The following THEMIS variants were observed in gnomAD, a reference collection of about 807,000 sequenced individuals.
The protein encoded by THEMIS is protein THEMIS.
A neutral mutation model predicts 52.6 loss-of-function variants in THEMIS; 37 were observed. The ratio of observed to expected loss-of-function variants is 0.70; its 90% confidence interval spans 0.54 to 0.93. THEMIS has a LOEUF of 0.93. Among genes scored for constraint, THEMIS ranks in the 40% least tolerant of loss-of-function variants. The probability of loss-of-function intolerance (pLI) is 0.00; values close to 1 mark genes in which losing one functional copy is unlikely to be tolerated. For missense variants in THEMIS, 808 were observed against 763.1 expected, an observed-to-expected ratio of 1.06 and a Z score of -0.69; for synonymous variants, 292 against 272.7, an observed-to-expected ratio of 1.07 and a Z score of -0.70.
At chr6:127,776,532 AC>A (rs1776571309) in intron 4 of THEMIS, among the ~76,000 whole-genome samples, 1 of 152,080 alleles carries the variant, frequency 6.6e-6, no homozygotes, top group Non-Finnish European at 1.5e-5. Flanking sequence ...TGAAAGTAGA[AC>A]CCCTCTGAGT....
At chr6:127,833,350 G>A (rs1172097785) in intron 2 of THEMIS, among the ~76,000 whole-genome samples, 1 of 152,106 alleles carries the variant, frequency 6.6e-6, no homozygotes, top group Admixed American at 6.5e-5. Context: ...AAATTTACAA[G>A]TTTGAAAACT....
At chr6:127,848,709 T>G (rs1467263623) in intron 2 of THEMIS, among the ~76,000 whole-genome samples, 1 of 152,168 alleles carries the variant, frequency 6.6e-6, no homozygotes, top group Non-Finnish European at 1.5e-5. Context: ...GTCTGTTGAC[T>G]GCATAAATGT....
At chr6:127,796,680 T>C (rs1392087724) in intron 4 of THEMIS, among the ~76,000 whole-genome samples, 2 of 152,168 alleles carry the variant, frequency 1.3e-5, no homozygotes, top group Non-Finnish European at 2.9e-5. Context: ...CTGGAGATAA[T>C]TGCATTGCAC....
intron 4 of THEMIS, among the ~76,000 whole-genome samples, chr6:127,789,354 T>A (rs72967689): frequency 1.0e-3 from 157 of 152,184 alleles, no homozygotes; most frequent in Non-Finnish European, 1.9e-3. Context: ...ATAGATCGAT[T>A]ACAGGTTCTG....
intron 4 of THEMIS, among the ~76,000 whole-genome samples, chr6:127,785,006 TTATCTATC>T (rs139061232): frequency 8.5e-6 from 1 of 117,228 alleles, no homozygotes; most frequent in Non-Finnish European, 1.9e-5. Context: ...TATCTATCTA[TTATCTATC>T]TATCTATCTA....
At chr6:127,726,452 A>G (rs1774551184) in intron 4 of THEMIS, among the ~76,000 whole-genome samples, 1 of 152,148 alleles carries the variant, frequency 6.6e-6, no homozygotes, top group South Asian at 2.1e-4. Context: ...CAAAGATCTT[A>G]CTGTGTCCTG....
intron 1 of THEMIS, among the ~76,000 whole-genome samples, chr6:127,859,827 T>C (rs1392013361): frequency 6.6e-6 from 1 of 152,160 alleles, no homozygotes; most frequent in East Asian, 1.9e-4. Flanking sequence ...TAGGAAATTA[T>C]ATCTGCAAAG....
chr6:127,892,536 C>A (rs965706450), intron 1 of THEMIS, among the ~76,000 whole-genome samples: 1 of 152,070 alleles, frequency 6.6e-6, no homozygotes, highest in African/African-American at 2.4e-5. Flanking sequence ...TAATTCTAGA[C>A]CCTTTGACAA....
At chr6:127,892,355 A>G (rs1780837916) in intron 1 of THEMIS, among the ~76,000 whole-genome samples, 1 of 152,182 alleles carries the variant, frequency 6.6e-6, no homozygotes, top group South Asian at 2.1e-4. Flanking sequence ...TTCATCAGAG[A>G]TAATCTGCCC....
In THEMIS at chr6:127,719,586, A is replaced by G. The variant is rs1240952326; in HGVS notation, c.1894+102T>C. On this transcript the variant is annotated intron_variant, in intron 5 of 5. Coordinates refer to ENST00000368248, the MANE Select transcript of THEMIS (RefSeq NM_001010923.3). ...GCAGGGTGATCACTTGGGCTGAGTC[A>G]TATATTCCAAATAAAATAATAGTAA... The G allele has an allele frequency of 9.8e-6, 11 of 1,125,938 alleles. No homozygotes were observed. The Admixed American group carries it at 1.1e-4, about 11-fold the overall frequency. The allele number at this position is 1,125,938 out of a possible 1,614,324, so 69.7% of individuals were successfully genotyped here. A position where few individuals can be genotyped will look rare whatever the true frequency, so the allele number is the denominator to read the frequency against.
chr6:127,713,449 A>G (rs1414078924), intron 5 of THEMIS, among the ~76,000 whole-genome samples: 2 of 151,862 alleles, frequency 1.3e-5, no homozygotes, highest in Non-Finnish European at 2.9e-5. Context: ...TATGAGCCAG[A>G]CACTTTCCTA....
At chr6:127,844,066 C>T (rs535818732) in intron 2 of THEMIS, among the ~76,000 whole-genome samples, 1 of 152,052 alleles carries the variant, frequency 6.6e-6, no homozygotes, top group South Asian at 2.1e-4. Flanking sequence ...TTAGACACAA[C>T]TTACTATGCA....
At chr6:127,904,665 G>C (rs1317341834), upstream of THEMIS, among the ~76,000 whole-genome samples, 1 of 152,040 alleles carries the variant, frequency 6.6e-6, no homozygotes, top group East Asian at 1.9e-4. Context: ...GAAAGACAGA[G>C]AGAAGGGAGA....
intron 4 of THEMIS, among the ~76,000 whole-genome samples, chr6:127,803,983 G>A (rs1313423437): frequency 1.3e-5 from 2 of 152,140 alleles, no homozygotes; most frequent in African/African-American, 4.8e-5. Context: ...AGAAAAATAT[G>A]ACACCATTTC....
chr6:127,873,167 T>A (rs1245513554), intron 1 of THEMIS, among the ~76,000 whole-genome samples: 1 of 152,172 alleles, frequency 6.6e-6, no homozygotes, highest in Non-Finnish European at 1.5e-5. Context: ...TGGAAAGACA[T>A]ACTGTTTTCA....
intron 5 of THEMIS, among the ~76,000 whole-genome samples, chr6:127,715,011 A>G (rs1300963300): frequency 1.3e-5 from 2 of 151,914 alleles, no homozygotes; most frequent in Non-Finnish European, 2.9e-5. Flanking sequence ...CAGTGCTCAC[A>G]CAACTTCCTA....
At chr6:127,825,485 T>C (rs2114647468) in intron 3 of THEMIS, among the ~76,000 whole-genome samples, 1 of 152,316 alleles carries the variant, frequency 6.6e-6, no homozygotes, top group Non-Finnish European at 1.5e-5. Flanking sequence ...CAATCTTATA[T>C]GTGTATAGAA....
chr6:127,903,271 T>C (rs1781190175), upstream of THEMIS, among the ~76,000 whole-genome samples: 1 of 152,060 alleles, frequency 6.6e-6, no homozygotes, highest in East Asian at 1.9e-4. Context: ...AAAATCCTGA[T>C]GTGAGCAGCC....
At chr6:127,824,748 C>CG (rs1778448576) in intron 3 of THEMIS, among the ~76,000 whole-genome samples, 1 of 152,170 alleles carries the variant, frequency 6.6e-6, no homozygotes, top group African/African-American at 2.4e-5. Context: ...CCGCCCGCCT[C>CG]GGCCCCCCAA....
Sources: gnomAD v4.1 joint callset for allele counts (sites outside exome capture counted in the v4.1 genomes callset) on GRCh38, gnomAD v4.1.1 for gene constraint, MANE v1.5 for transcripts, NCBI Gene and HGNC (gene_info 2026-07-23, HGNC 2026-07-21) for gene names.